Variants in GRIK3 observed in about 807,000 individuals in gnomAD.
The protein encoded by GRIK3 is glutamate receptor ionotropic, kainate 3.
GRIK3 carries 29 observed loss-of-function variants against 102.5 expected under a neutral mutation model. The observed-to-expected ratio is 0.28, with a 90% confidence interval of 0.21 to 0.39. GRIK3 has a LOEUF of 0.39. Ranked by LOEUF, GRIK3 falls within the 10% of genes least tolerant of loss-of-function variation. The probability of loss-of-function intolerance (pLI) is 1.00; values close to 1 mark genes in which losing one functional copy is unlikely to be tolerated. For missense variants in GRIK3, 908 were observed against 1,252.4 expected (o/e 0.73, Z 4.15); for synonymous variants, 511 against 504.9 (o/e 1.01, Z -0.16).
chr1:36,912,178 G>A (rs1249049597), intron 1 of GRIK3, among the ~76,000 whole-genome samples: 1 of 152,120 alleles, frequency 6.6e-6, no homozygotes. Context: ...TGAGCCTTGT[G>A]CAACAGACAT....
At chr1:36,842,624 G>A (rs951137970) in intron 9 of GRIK3, among the ~76,000 whole-genome samples, 5 of 151,910 alleles carry the variant, frequency 3.3e-5, no homozygotes, top group South Asian at 2.1e-4. Flanking sequence ...ACAGCTCATC[G>A]GTAGGTGGCT....
At chr1:36,942,875 G>A (rs1409614849) in intron 1 of GRIK3, among the ~76,000 whole-genome samples, 2 of 152,116 alleles carry the variant, frequency 1.3e-5, no homozygotes, top group Admixed American at 1.3e-4. Context: ...GGGAAGTGGG[G>A]GACCACTCTC....
At chr1:37,029,795 G>A (rs1006729594) in intron 1 of GRIK3, among the ~76,000 whole-genome samples, 2 of 152,166 alleles carry the variant, frequency 1.3e-5, no homozygotes, top group African/African-American at 4.8e-5. Flanking sequence ...TTTCTGGAGT[G>A]GTTGGAGGCA....
chr1:36,923,135 G>T (rs1481782792), intron 1 of GRIK3, among the ~76,000 whole-genome samples: 1 of 152,190 alleles, frequency 6.6e-6, no homozygotes. Flanking sequence ...GAGTGGCAAA[G>T]AAATACATTA....
At chr1:36,938,664 C>A (rs1453567183) in intron 1 of GRIK3, among the ~76,000 whole-genome samples, 2 of 152,138 alleles carry the variant, frequency 1.3e-5, no homozygotes, top group African/African-American at 4.8e-5. Flanking sequence ...CCCAGCCCCA[C>A]CTCTTTTAGG....
intron 1 of GRIK3, among the ~76,000 whole-genome samples, chr1:36,986,338 CCCATCCAT>C (rs374435133): frequency 2.6e-5 from 4 of 151,692 alleles, no homozygotes; most frequent in Admixed American, 6.6e-5. Flanking sequence ...CATCTGTCCG[CCCATCCAT>C]CCATCCATCC....
chr1:37,011,518 G>C (rs899802365), intron 1 of GRIK3, among the ~76,000 whole-genome samples: 53 of 152,210 alleles, frequency 3.5e-4, no homozygotes, highest in African/African-American at 1.2e-3. Context: ...GAGAGGTTAA[G>C]AACTCGCCTG....
rs771542121 is a variant in GRIK3 at position 36,823,990 on chromosome 1, TG to T, written c.1754+1612del. On this transcript the variant is annotated intron_variant, in intron 11 of 15. Coordinates refer to ENST00000373091, the MANE Select transcript of GRIK3 (RefSeq NM_000831.4). The stretch of plus-strand genomic sequence containing the variant: ...GGTGTGAGTGGTGGTGTGAGGGTGT[TG>T]GGCGAGGTGACAAGTGCACTCTGAT... 2.0e-5 allele frequency among the ~76,000 whole-genome samples: 3 copies of T among 151,874 alleles called. No homozygotes were observed. The East Asian group carries it at 5.8e-4, about 29-fold the overall frequency.
At chr1:36,882,321 T>C (rs1248731336) in intron 2 of GRIK3, among the ~76,000 whole-genome samples, 1 of 152,212 alleles carries the variant, frequency 6.6e-6, no homozygotes, top group Non-Finnish European at 1.5e-5. Context: ...AGGCAGCAGA[T>C]GCTTTCCACC....
intron 1 of GRIK3, among the ~76,000 whole-genome samples, chr1:36,947,886 G>T (rs1403107259): frequency 1.3e-5 from 2 of 152,016 alleles, no homozygotes; most frequent in Non-Finnish European, 2.9e-5. Context: ...CTTTGCTGCA[G>T]TGATCAGCGA....
At chr1:36,959,665 C>G (rs1641976255) in intron 1 of GRIK3, among the ~76,000 whole-genome samples, 1 of 136,202 alleles carries the variant, frequency 7.3e-6, no homozygotes, top group African/African-American at 2.6e-5. Context: ...CTTGTATGCC[C>G]TGTGAGTCTG....
intron 1 of GRIK3, among the ~76,000 whole-genome samples, chr1:36,947,871 T>C (rs535306194): frequency 7.9e-5 from 12 of 152,142 alleles, no homozygotes; most frequent in African/African-American, 2.9e-4. Flanking sequence ...CTCCACAGTA[T>C]GATACTTTGC....
chr1:36,990,488 C>A (rs1642353613), intron 1 of GRIK3, among the ~76,000 whole-genome samples: 1 of 152,196 alleles, frequency 6.6e-6, no homozygotes, highest in Non-Finnish European at 1.5e-5. Context: ...TCTGAGGCTG[C>A]TGGAGGACTG....
At chr1:36,941,023 G>A (rs919661666) in intron 1 of GRIK3, among the ~76,000 whole-genome samples, 8 of 152,302 alleles carry the variant, frequency 5.3e-5, no homozygotes, top group African/African-American at 1.7e-4. Flanking sequence ...TGGCCTATTA[G>A]ACCCCCTGAC....
At chr1:36,967,953 G>C (rs1021777661) in intron 1 of GRIK3, among the ~76,000 whole-genome samples, 2 of 152,138 alleles carry the variant, frequency 1.3e-5, no homozygotes, top group African/African-American at 4.8e-5. Flanking sequence ...ACCTGGCCCC[G>C]GGTACCTGGG....
At chr1:36,809,693 A>G (rs928290958) in intron 13 of GRIK3, among the ~76,000 whole-genome samples, 1 of 152,156 alleles carries the variant, frequency 6.6e-6, no homozygotes, top group African/African-American at 2.4e-5. Context: ...TTCCAGTAAC[A>G]CAACACCATA....
chr1:36,825,815 C>A lies in GRIK3; in HGVS notation c.1542G>T (p.Leu514=), dbSNP rs773084600. 6.2e-7 allele frequency: 1 copy of A among 1,609,040 alleles called. No homozygotes were observed. The highest frequency in any genetic ancestry group is 8.5e-7 in the Non-Finnish European group (1 of 1,177,280). ...GGGTGATGGTCAGGGGGGCCACGGC[C>A]AGATCTGCCTTCTGCAACCAGACAG... The part of the protein sequence containing the change: ...VKELIDHKAD[L]AVAPLTITHV... The change falls in exon 11 of 16, where the codon CTG becomes CTT. Residue 514 remains leucine, a synonymous_variant. Transcript: ENST00000373091.
chr1:36,814,555 T>C lies in GRIK3; in HGVS notation c.2091+2505A>G, dbSNP rs558964189. ...AGACACATATGCATGCATGGGCCAT[T>C]ATACACACATACATCCAGACATATA... On this transcript the variant is annotated intron_variant, in intron 13 of 15. Transcript: ENST00000373091. Among the ~76,000 whole-genome samples the C allele has an allele frequency of 1.5e-4, 20 of 133,316 alleles. 1 individual carries two copies. Among genetic ancestry groups the C allele is most frequent in the Admixed American group, 8.7e-4 (11 of 12,590 alleles). 87.5% of individuals were successfully genotyped at this position (133,316 alleles called of 152,430 possible).
rs370836478 is a variant in GRIK3 at position 36,926,184 on chromosome 1, GC to G, written c.116-35089del. Among the ~76,000 whole-genome samples, 539 of 152,130 alleles carry G rather than the reference GC, an allele frequency of 3.5e-3. 4 individuals are homozygous for G. Among genetic ancestry groups the G allele is most frequent in the African/African-American group, 0.012 (510 of 41,498 alleles). On this transcript the variant is annotated intron_variant, in intron 1 of 15. Transcript: ENST00000373091. ...TTAGGAAGGCTCGGCCCTACCCTTT[GC>G]CCCCTGCCCTAACTGTTTGTGGTCC...
Sources: gnomAD v4.1 joint callset for allele counts (sites outside exome capture counted in the v4.1 genomes callset) on GRCh38, gnomAD v4.1.1 for gene constraint, MANE v1.5 for transcripts, NCBI Gene and HGNC (gene_info 2026-07-23, HGNC 2026-07-21) for gene names.